The following ACSS1 variants were observed in gnomAD, a reference collection of about 807,000 sequenced individuals.
The protein encoded by ACSS1 is acyl-CoA synthetase short chain family member 1.
A neutral mutation model predicts 75.3 loss-of-function variants in ACSS1; 42 were observed. The ratio of observed to expected loss-of-function variants is 0.56; its 90% CI spans 0.44 to 0.72. The LOEUF is 0.72. Ranked by LOEUF, ACSS1 falls within the 30% of genes least tolerant of loss-of-function variation. The pLI is 0.00. For missense variants in ACSS1, 782 were observed against 935.7 expected, an observed-to-expected ratio of 0.84 and a Z score of 2.14; for synonymous variants, 380 against 376.8, an observed-to-expected ratio of 1.01 and a Z score of -0.10.
Position 25,013,557 on chromosome 20 carries a change from C to T in ACSS1, c.1558G>A (p.Ala520Thr), listed in dbSNP as rs765652374. 6.9e-6 allele frequency: 11 copies of T among 1,603,054 alleles called. No individual in the cohort carries two copies. In the East Asian group the frequency reaches 2.0e-4, roughly 29 times the overall value. ...TCACCTGGGTAGGCCTTGAAGTAGG[C>T]GTCCACAAATCGCTGGTGGTCGCCA... The part of the protein sequence containing the change: ...IYGDHQRFVD[A>T]YFKAYPGYYF... The change falls in exon 10 of 14, where the codon GCC becomes ACC. Residue 520 changes from alanine to threonine, a missense_variant. Ala to Thr is a moderately conservative substitution (Grantham distance 58). Around this residue, in one of 2 missense-constraint regions of ACSS1, gnomAD observed 405 missense variants for 552.6 expected, o/e 0.73. Transcript: ENST00000323482.
intron 3 of ACSS1, among the ~76,000 whole-genome samples, chr20:25,027,027 G>C (rs2088731604): frequency 6.6e-6 from 1 of 152,212 alleles, no homozygotes; most frequent in Non-Finnish European, 1.5e-5. Flanking sequence ...AGAGAAAAGG[G>C]GCAGCTTAGC....
intron 1 of ACSS1, among the ~76,000 whole-genome samples, chr20:25,050,829 G>A (rs1235864920): frequency 1.3e-5 from 2 of 152,024 alleles, no homozygotes; most frequent in East Asian, 1.9e-4. Context: ...GGAAGGCAGA[G>A]GTGAGGAAGG....
chr20:25,041,257 CAA>C (rs11474894), intron 2 of ACSS1, among the ~76,000 whole-genome samples: 2,021 of 117,536 alleles, frequency 0.017, 35 homozygotes, highest in African/African-American at 0.054. Flanking sequence ...GACTCCGTCT[CAA>C]AAAAAAAAAA....
intron 2 of ACSS1, among the ~76,000 whole-genome samples, chr20:25,037,725 G>A (rs1041316888): frequency 6.6e-6 from 1 of 152,212 alleles, no homozygotes; most frequent in Non-Finnish European, 1.5e-5. Context: ...GGGAAGCCTG[G>A]CGAGGCTGAC....
intron 6 of ACSS1, 147 bp downstream of exon 6, chr20:25,021,242 C>T (rs549971776): frequency 5.3e-5 from 57 of 1,076,176 alleles, no homozygotes; most frequent in Admixed American, 9.0e-5. Flanking sequence ...CTGGCCCCAC[C>T]GGGCATTTCG....
intron 2 of ACSS1, among the ~76,000 whole-genome samples, chr20:25,047,398 G>A (rs1600347747): frequency 1.2e-5 from 1 of 81,676 alleles, no homozygotes; most frequent in African/African-American, 5.2e-5. Flanking sequence ...AGGCCTTCCT[G>A]ACTATTAGCT....
Position 25,056,884 on chromosome 20 carries a change from C to T in ACSS1, c.334+885G>A, listed in dbSNP as rs532570652. ...CCCACCCTGCATCCGGAGCCCACCT[C>T]GCACTTGGCACCCACCCTGCGTGGC... On this transcript the variant is annotated intron_variant, in intron 1 of 13. Coordinates refer to ENST00000323482, the MANE Select transcript of ACSS1 (RefSeq NM_032501.4). Among the ~76,000 whole-genome samples the T allele has an allele frequency of 1.4e-4, 21 of 152,364 alleles. No homozygotes were observed. The South Asian group carries it at 4.3e-3, about 32-fold the overall frequency.
rs539661133 is a variant in ACSS1 at position 25,027,793 on chromosome 20, A to G, written c.631+2966T>C. ...GAGTGATCAGGCAAAAAAAAAAAAA[A>G]AAAAGAAATAAAAGACATCCAAATT... On this transcript the variant is annotated intron_variant, in intron 3 of 13. Coordinates refer to ENST00000323482, the MANE Select transcript of ACSS1 (RefSeq NM_032501.4). Among the ~76,000 whole-genome samples the G allele has an allele frequency of 3.9e-5, 6 of 151,960 alleles. No individual in the cohort carries two copies. In the South Asian group the frequency reaches 1.2e-3, roughly 32 times the overall value.
chr20:25,044,277 C>G (rs1395654860), intron 2 of ACSS1, among the ~76,000 whole-genome samples: 1 of 152,176 alleles, frequency 6.6e-6, no homozygotes, highest in South Asian at 2.1e-4. Context: ...CACATGGCCA[C>G]CCCCCAGGGT....
chr20:25,014,291 CA>C (rs779289465), intron 8 of ACSS1, among the ~76,000 whole-genome samples: 181 of 152,338 alleles, frequency 1.2e-3, no homozygotes, highest in Non-Finnish European at 2.1e-3. Flanking sequence ...TCTGGCATCC[CA>C]CAGCCAGGTG....
chr20:25,041,747 C>A (rs1045447816), intron 2 of ACSS1, among the ~76,000 whole-genome samples: 1 of 151,976 alleles, frequency 6.6e-6, no homozygotes, highest in Non-Finnish European at 1.5e-5. Flanking sequence ...TTGTTGAAAA[C>A]GGGCTGGCCT....
chr20:25,018,090 C>T (rs1470558081), intron 7 of ACSS1, among the ~76,000 whole-genome samples: 1 of 152,224 alleles, frequency 6.6e-6, no homozygotes, highest in Non-Finnish European at 1.5e-5. Flanking sequence ...TGTTTGTCCC[C>T]TCCAAATCTC....
chr20:25,020,508 G>A (rs2088603821), intron 6 of ACSS1, among the ~76,000 whole-genome samples: 1 of 152,246 alleles, frequency 6.6e-6, no homozygotes, highest in African/African-American at 2.4e-5. Flanking sequence ...CTCTAAAGTG[G>A]TGACTGGTGC....
At position 25,012,861 on chromosome 20, in the gene ACSS1, A is replaced by G. The variant is rs1251998251; in HGVS notation, c.1658T>C (p.Ile553Thr). The G allele has an allele frequency of 6.2e-7, 1 of 1,614,126 alleles. No homozygotes were observed. The highest frequency in any genetic ancestry group is 1.1e-5 in the South Asian group (1 of 91,076). Residue 553 changes from isoleucine (I) to threonine (T), a missense_variant, in exon 11 of 14, where the codon ATC becomes ACC. Physicochemically the swap from Ile to Thr is moderately conservative, Grantham distance 89. Around this residue, in one of 2 missense-constraint regions of ACSS1, gnomAD observed 405 missense variants for 552.6 expected, o/e 0.73. Coordinates refer to ENST00000323482, the MANE Select transcript of ACSS1 (RefSeq NM_032501.4). ...CCCCAGCCGGTGGCCACTGATGTTG[A>G]TGACATCATCCATCCGCCCTGTGAT... ...YQITGRMDDV[I>T]NISGHRLGTA...
chr20:25,017,986 A>G (rs867961873), intron 7 of ACSS1, among the ~76,000 whole-genome samples: 14 of 152,300 alleles, frequency 9.2e-5, no homozygotes, highest in African/African-American at 3.1e-4. Flanking sequence ...CAAGCACTAC[A>G]TGGCCCAGGC....
At chr20:25,057,631 C>G in intron 1 of ACSS1, 138 bp downstream of exon 1, 1 of 729,342 alleles carries the variant, frequency 1.4e-6, no homozygotes, top group Non-Finnish European at 2.1e-6. Context: ...GCGGGCGGGG[C>G]GGACGGAATA....
chr20:25,017,445 G>A (rs548941963), intron 7 of ACSS1, among the ~76,000 whole-genome samples: 1 of 152,210 alleles, frequency 6.6e-6, no homozygotes, highest in Non-Finnish European at 1.5e-5. Context: ...GCACTGCTCC[G>A]AGGTGCTGGG....
At position 25,020,145 on chromosome 20, in the gene ACSS1, G is replaced by C; in HGVS notation, c.1111C>G (p.Arg371Gly). Residue 371 changes from arginine to glycine, a missense_variant and splice_region_variant, in exon 7 of 14, where the codon CGG becomes GGG. By Grantham distance (125) the Arg-to-Gly change is moderately radical. This residue lies in a region of ACSS1 where 405 missense variants were observed against 552.6 expected (regional missense o/e 0.73). Coordinates refer to ENST00000323482, the MANE Select transcript of ACSS1 (RefSeq NM_032501.4). ...ESTPVYPNAG[R>G]YWETVERLKI... ...AACCTCTCTACTGTCTCCCAGTACC[G>C]ACCTACAGAAAGGCCGAAATTCACT... is the stretch of plus-strand genomic sequence containing the variant. The C allele has an allele frequency of 6.2e-7, 1 of 1,614,106 alleles. No homozygotes were observed. Among genetic ancestry groups the C allele is most frequent in the Non-Finnish European group, 8.5e-7 (1 of 1,179,966 alleles).
rs2088666412 is a variant in ACSS1 at position 25,023,621 on chromosome 20, T to C, written c.652A>G (p.Thr218Ala). The C allele has an allele frequency of 9.3e-6, 15 of 1,608,890 alleles. No homozygotes were observed. Among genetic ancestry groups the C allele is most frequent in the South Asian group, 3.3e-5 (3 of 90,622 alleles). The part of the protein sequence containing the change: ...INDAKCKVVI[T>A]FNQGLRGGRV... ...CCACCCCGGAGTCCTTGGTTGAAGG[T>C]GATAACCACCTTGCACTTGGCTAAC... Residue 218 changes from threonine to alanine, a missense_variant, in exon 4 of 14, where the codon ACC becomes GCC. Coordinates refer to ENST00000323482, the MANE Select transcript of ACSS1 (RefSeq NM_032501.4).
Sources: gnomAD v4.1 joint callset for allele counts (sites outside exome capture counted in the v4.1 genomes callset) on GRCh38, gnomAD v4.1.1 for gene constraint, gnomAD v4.1.1 regional missense constraint, MANE v1.5 for transcripts, NCBI Gene and HGNC (gene_info 2026-07-23, HGNC 2026-07-21) for gene names.